Variants in ELAVL4 observed in about 807,000 individuals in gnomAD.
ELAVL4 encodes ELAV like RNA binding protein 4.
ELAVL4 carries 1 observed loss-of-function variant against 35.6 expected under a neutral mutation model. The observed-to-expected ratio is 0.03, with a 90% confidence interval of 0.01 to 0.13. ELAVL4 has a LOEUF of 0.13. ELAVL4 is among the 10% of genes least tolerant of loss of function. The probability of loss-of-function intolerance (pLI) is 1.00; values close to 1 mark genes in which losing one functional copy is unlikely to be tolerated. For synonymous variants in ELAVL4, 156 were observed against 171.0 expected (o/e 0.91, Z 0.69); for missense variants, 267 against 464.9 (o/e 0.57, Z 3.91).
At chr1:50,058,777 A>AT (rs926789395) in intron 1 of ELAVL4, among the ~76,000 whole-genome samples, 66 of 150,376 alleles carry the variant, frequency 4.4e-4, no homozygotes, top group Middle Eastern at 6.8e-3. Flanking sequence ...CCATGCTTGT[A>AT]TTTTTTTTTA....
intron 2 of ELAVL4, among the ~76,000 whole-genome samples, chr1:50,146,663 T>C (rs1673785490): frequency 6.6e-6 from 1 of 152,176 alleles, no homozygotes; most frequent in Admixed American, 6.5e-5. Flanking sequence ...TTCCCATACG[T>C]TCAGAAAGCC....
chr1:50,071,362 C>A (rs1026408995), intron 1 of ELAVL4, among the ~76,000 whole-genome samples: 17 of 152,320 alleles, frequency 1.1e-4, no homozygotes, highest in Non-Finnish European at 2.1e-4. Flanking sequence ...TGGCACTATT[C>A]ATTCCACAAG....
chr1:50,052,956 TGTTG>T (rs1446261932), intron 1 of ELAVL4, among the ~76,000 whole-genome samples: 2 of 152,228 alleles, frequency 1.3e-5, no homozygotes, highest in African/African-American at 4.8e-5. Flanking sequence ...AAGTGGCTAG[TGTTG>T]ACATTGCAAC....
chr1:50,141,921 G>A (rs1672888135), intron 1 of ELAVL4: 2 of 152,196 alleles, frequency 1.3e-5, no homozygotes, highest in African/African-American at 4.8e-5. Flanking sequence ...CTCCTCTTGA[G>A]CCATGTTTTC....
At chr1:50,160,693 T>C (rs918854598) in intron 2 of ELAVL4, among the ~76,000 whole-genome samples, 1 of 152,218 alleles carries the variant, frequency 6.6e-6, no homozygotes, top group Non-Finnish European at 1.5e-5. Context: ...TCCTGACTTA[T>C]CTCTGTATGG....
chr1:50,078,075 G>C (rs1460097379), intron 1 of ELAVL4, among the ~76,000 whole-genome samples: 1 of 151,802 alleles, frequency 6.6e-6, no homozygotes, highest in Non-Finnish European at 1.5e-5. Context: ...GCTTAGGACA[G>C]AGCCTGGCAT....
intron 1 of ELAVL4, among the ~76,000 whole-genome samples, chr1:50,058,885 T>A (rs1663819583): frequency 6.6e-6 from 1 of 152,172 alleles, no homozygotes. Flanking sequence ...ATTACAGGCA[T>A]GAGTTACCGC....
At position 50,192,886 on chromosome 1, in the gene ELAVL4, T is replaced by C. The variant is rs545090643; in HGVS notation, c.355-879T>C. 5.3e-5 allele frequency among the ~76,000 whole-genome samples: 8 copies of C among 152,344 alleles called. No homozygotes were observed. In the East Asian group the frequency reaches 1.2e-3, roughly 22 times the overall value. On this transcript the variant is annotated intron_variant, in intron 3 of 6. Transcript: ENST00000371824. ...TTTGCTTATGTGTACTGCTACAGATTTGGCTTCTTGCAGATGGAATTTCAG... is the reference window on the plus strand; with the variant it reads ...TTTGCTTATGTGTACTGCTACAGATCTGGCTTCTTGCAGATGGAATTTCAG...
At chr1:50,117,606 C>G (rs1668185444) in intron 1 of ELAVL4, among the ~76,000 whole-genome samples, 1 of 152,156 alleles carries the variant, frequency 6.6e-6, no homozygotes, top group Non-Finnish European at 1.5e-5. Flanking sequence ...ATCTAACTCA[C>G]AGGGTTTCTG....
At chr1:50,069,854 G>A (rs1208676115) in intron 1 of ELAVL4, among the ~76,000 whole-genome samples, 1 of 152,166 alleles carries the variant, frequency 6.6e-6, no homozygotes, top group East Asian at 1.9e-4. Flanking sequence ...CCCTTCTTGT[G>A]CTTACCAACT....
chr1:50,068,311 G>A lies in ELAVL4; in HGVS notation c.18+20129G>A, dbSNP rs190126140. On this transcript the variant is annotated intron_variant, in intron 1 of 6. Coordinates refer to the ELAVL4 transcript ENST00000448907. ...ATGCAAGAGCAGTCCACTTTGGTAT[G>A]GCGGTGGGTGAGAGGGGGTAACAAA... 8.0e-3 allele frequency among the ~76,000 whole-genome samples: 1,216 copies of A among 152,272 alleles called. 48 individuals carry two copies. Among genetic ancestry groups the A allele is most frequent in the Admixed American group, 0.059 (899 of 15,284 alleles).
chr1:50,095,924 C>T (rs550982123), intron 1 of ELAVL4, among the ~76,000 whole-genome samples: 1 of 152,112 alleles, frequency 6.6e-6, no homozygotes, highest in Non-Finnish European at 1.5e-5. Context: ...CTTCCACTTT[C>T]GAGTTTCTGA....
At chr1:50,114,297 T>A (rs1023832829) in intron 1 of ELAVL4, among the ~76,000 whole-genome samples, 5 of 152,032 alleles carry the variant, frequency 3.3e-5, no homozygotes, top group African/African-American at 1.2e-4. Context: ...TCTTTACCAT[T>A]GGTAAAAATA....
chr1:50,109,911 G>A (rs1392594029), intron 1 of ELAVL4: 1 of 1,612,124 alleles, frequency 6.2e-7, no homozygotes. Flanking sequence ...TTGACACACT[G>A]TGTGAGGGTC....
intron 1 of ELAVL4, among the ~76,000 whole-genome samples, chr1:50,072,881 T>A (rs2148488610): frequency 6.6e-6 from 1 of 152,266 alleles, no homozygotes; most frequent in South Asian, 2.1e-4. Flanking sequence ...GTAGAAGAGT[T>A]AGGCTGTCAA....
chr1:50,195,458 T>C, intron 4 of ELAVL4, 103 bp from the exon 5 acceptor site: 9 of 1,282,700 alleles, frequency 7.0e-6, no homozygotes, highest in Admixed American at 1.8e-5. Context: ...GCACCACAGG[T>C]GGGCTTACTC....
Position 50,152,802 on chromosome 1 carries a change from A to G in ELAVL4, c.250+7605A>G, listed in dbSNP as rs530191575. Among the ~76,000 whole-genome samples the G allele has an allele frequency of 2.0e-5, 3 of 152,306 alleles. No homozygotes were observed. The South Asian group carries it at 6.2e-4, about 32-fold the overall frequency. ...AGTCCCAAAATTGAGCTTTGATAGG[A>G]GAAGATATTTCTAGTTTGGAGAGAA... On this transcript the variant is annotated intron_variant, in intron 2 of 6. Coordinates refer to ENST00000371824, the MANE Select transcript of ELAVL4 (RefSeq NM_001144774.3).
intron 5 of ELAVL4, 34 bp downstream of exon 5, chr1:50,195,820 C>T: frequency 6.2e-7 from 1 of 1,611,340 alleles, no homozygotes; most frequent in Non-Finnish European, 8.5e-7. Context: ...AGCCCTGCTA[C>T]AGGGGTTCAT....
At chr1:50,091,618 A>G (rs1175404815) in intron 1 of ELAVL4, among the ~76,000 whole-genome samples, 1 of 152,218 alleles carries the variant, frequency 6.6e-6, no homozygotes, top group Non-Finnish European at 1.5e-5. Context: ...TTGTTCCGTA[A>G]CAGACTTTAA....
Sources: allele counts gnomAD v4.1 joint callset (sites outside exome capture counted in the v4.1 genomes callset), GRCh38; gene constraint gnomAD v4.1.1; transcripts MANE v1.5; gene names NCBI Gene and HGNC (gene_info 2026-07-23, HGNC 2026-07-21).